The following PCDH7 variants were observed in gnomAD, a reference collection of about 807,000 sequenced individuals.
The protein encoded by PCDH7 is protocadherin 7.
Under a neutral mutation model 58.9 loss-of-function variants are expected in PCDH7, and 17 were observed. That is an observed-to-expected ratio of 0.29 (90% CI 0.20 to 0.43). The LOEUF (loss-of-function observed/expected upper bound fraction) is 0.43. PCDH7 is among the 20% of genes least tolerant of loss of function. The probability of loss-of-function intolerance (pLI) is 1.00; values close to 1 mark genes in which losing one functional copy is unlikely to be tolerated. For synonymous variants in PCDH7, 664 were observed against 616.4 expected (o/e 1.08, Z -1.14); for missense variants, 1,274 against 1,441.0 (o/e 0.88, Z 1.88).
At chr4:30,947,265 T>C (rs969908842) in intron 2 of PCDH7, among the ~76,000 whole-genome samples, 2 of 152,194 alleles carry the variant, frequency 1.3e-5, no homozygotes, top group African/African-American at 4.8e-5. Context: ...TTCATTGCTG[T>C]GACAGATGAT....
intron 1 of PCDH7, among the ~76,000 whole-genome samples, chr4:30,893,792 T>G (rs2109386338): frequency 6.6e-6 from 1 of 152,230 alleles, no homozygotes; most frequent in Non-Finnish European, 1.5e-5. Context: ...TATTTTTCAT[T>G]GAAGGACCAC....
At chr4:30,961,150 G>A (rs1213526873) in intron 3 of PCDH7, among the ~76,000 whole-genome samples, 1 of 151,962 alleles carries the variant, frequency 6.6e-6, no homozygotes, top group African/African-American at 2.4e-5. Context: ...TGTGTGTAAA[G>A]TGCTTATTAT....
At chr4:30,792,194 T>A (rs1186207389) in intron 1 of PCDH7, among the ~76,000 whole-genome samples, 1 of 152,198 alleles carries the variant, frequency 6.6e-6, no homozygotes, top group African/African-American at 2.4e-5. Flanking sequence ...TTGGAGAAGA[T>A]AAAATGAGCA....
chr4:30,754,190 T>TG (rs1255362154), intron 1 of PCDH7, among the ~76,000 whole-genome samples: 2,767 of 126,856 alleles, frequency 0.022, 69 homozygotes, highest in African/African-American at 0.072. Context: ...GTGTGTGTGT[T>TG]TTTTCTGGAG....
chr4:30,840,731 G>A (rs930872579), intron 1 of PCDH7, among the ~76,000 whole-genome samples: 5 of 152,048 alleles, frequency 3.3e-5, no homozygotes, highest in Admixed American at 6.6e-5. Flanking sequence ...GGCAAAACAG[G>A]GAAGCAAACC....
intron 1 of PCDH7, chr4:30,776,149 T>A (rs892669538): frequency 6.6e-6 from 1 of 152,228 alleles, no homozygotes; most frequent in Non-Finnish European, 1.5e-5. Context: ...GATTATATGA[T>A]TATTGTATGG....
chr4:31,121,927 G>T (rs1384011714), intron 3 of PCDH7, among the ~76,000 whole-genome samples: 1 of 152,020 alleles, frequency 6.6e-6, no homozygotes, highest in Non-Finnish European at 1.5e-5. Flanking sequence ...TCTCCTTGTT[G>T]GTTAGTAGCG....
rs1195289845 is a variant in PCDH7, at chr4:31,079,341, TATATATATATATATATATATATAC to T, written c.*8-63130_*8-63107del. On this transcript the variant is annotated intron_variant, in intron 3 of 3. Transcript: ENST00000509759. ...ATATATATATATATATATATATATATATATATATATATATATATATATACACCACATTTTCAAAATAGACAGAAT... is the reference window on the plus strand; with the variant it reads ...ATATATATATATATATATATATATATACCACATTTTCAAAATAGACAGAAT... Among the ~76,000 whole-genome samples, 48 of 72,488 alleles carry T rather than the reference TATATATATATATATATATATATAC, an allele frequency of 6.6e-4. 1 individual carries two copies. The highest frequency in any genetic ancestry group is 3.0e-3 in the African/African-American group (42 of 14,088). 47.6% of individuals were successfully genotyped at this position (72,488 alleles called of 152,430 possible). A position where few individuals can be genotyped will look rare whatever the true frequency, so the allele number is the denominator to read the frequency against.
chr4:30,737,676 T>C (rs549049587), downstream of PCDH7, among the ~76,000 whole-genome samples: 82 of 152,344 alleles, frequency 5.4e-4, no homozygotes, highest in African/African-American at 1.9e-3. Flanking sequence ...CTTCCACATA[T>C]ACCAGTAGGC....
At chr4:31,039,666 G>A (rs575517807) in intron 3 of PCDH7, among the ~76,000 whole-genome samples, 22 of 152,206 alleles carry the variant, frequency 1.4e-4, no homozygotes, top group African/African-American at 5.1e-4. Context: ...CAATATAAGA[G>A]AATTCCTTGA....
At chr4:30,824,099 C>CTTTCTTTCTTTCTTTCTTTCTTTT (rs1728745789) in intron 1 of PCDH7, among the ~76,000 whole-genome samples, 3 of 111,354 alleles carry the variant, frequency 2.7e-5, no homozygotes, top group African/African-American at 1.0e-4. Context: ...TTCTTTCTTT[C>CTTTCTTTCTTTCTTTCTTTCTTTT]TTTCTTTCTT....
chr4:30,945,842 G>T (rs769651467), intron 2 of PCDH7, among the ~76,000 whole-genome samples: 7 of 152,064 alleles, frequency 4.6e-5, no homozygotes, highest in Non-Finnish European at 8.8e-5. Context: ...CGCCACCCAA[G>T]GCTGATCTTA....
intron 1 of PCDH7, among the ~76,000 whole-genome samples, chr4:30,740,093 C>G (rs144621570): frequency 1.3e-5 from 2 of 152,256 alleles, no homozygotes; most frequent in African/African-American, 4.8e-5. Context: ...AAGTAACTTG[C>G]TCATGGTCAC....
chr4:30,815,496 G>T (rs1012790294), intron 1 of PCDH7, among the ~76,000 whole-genome samples: 47 of 152,146 alleles, frequency 3.1e-4, no homozygotes, highest in African/African-American at 1.1e-3. Context: ...TGTTTCCAGG[G>T]TTTTCATTTG....
exon 2 of PCDH7, chr4:30,732,540 T>C (rs1715663447): frequency 6.6e-6 from 1 of 152,214 alleles, no homozygotes; most frequent in East Asian, 1.9e-4. Flanking sequence ...ATCAATTTAT[T>C]GAGTCTCTAC....
intron 1 of PCDH7, among the ~76,000 whole-genome samples, chr4:30,800,852 G>T (rs1725445467): frequency 6.6e-6 from 1 of 152,240 alleles, no homozygotes; most frequent in African/African-American, 2.4e-5. Flanking sequence ...CTTAGCCAGA[G>T]ATGGGCTTTG....
intron 1 of PCDH7, among the ~76,000 whole-genome samples, chr4:30,851,993 A>G (rs2109347066): frequency 1.3e-5 from 2 of 152,234 alleles, no homozygotes; most frequent in Middle Eastern, 6.8e-3. Context: ...TAACTTAGGA[A>G]AATAGATTTT....
chr4:30,750,228 A>G (rs1718330018), intron 1 of PCDH7, among the ~76,000 whole-genome samples: 2 of 152,172 alleles, frequency 1.3e-5, no homozygotes, highest in Non-Finnish European at 2.9e-5. Context: ...GAAAACAGAG[A>G]AATTTGGAGA....
At chr4:31,113,182 A>G (rs1318459009) in intron 3 of PCDH7, among the ~76,000 whole-genome samples, 1 of 152,178 alleles carries the variant, frequency 6.6e-6, no homozygotes, top group Non-Finnish European at 1.5e-5. Flanking sequence ...TTCAAATGAT[A>G]ACTGCCTTTT....
Sources: allele counts gnomAD v4.1 joint callset (sites outside exome capture counted in the v4.1 genomes callset), GRCh38; gene constraint gnomAD v4.1.1; transcripts MANE v1.5; gene names NCBI Gene and HGNC (gene_info 2026-07-23, HGNC 2026-07-21).